The following PIK3R6 variants were observed in gnomAD, a reference collection of about 807,000 sequenced individuals.
PIK3R6 encodes phosphoinositide-3-kinase regulatory subunit 6, also known as phosphoinositide 3-kinase regulatory subunit 6.
PIK3R6 carries 91 observed loss-of-function variants against 84.9 expected under a neutral mutation model. That is an observed-to-expected ratio of 1.07 (90% confidence interval 0.90 to 1.28). The LOEUF (loss-of-function observed/expected upper bound fraction) is 1.28, where lower values mean the gene tolerates loss of function less well. Ranked by LOEUF, PIK3R6 falls within the 50% of genes most tolerant of loss-of-function variation. The pLI is 0.00. For synonymous variants in PIK3R6, 416 were observed against 411.4 expected, an observed-to-expected ratio of 1.01 and a Z score of -0.13; for missense variants, 996 against 985.1, an observed-to-expected ratio of 1.01 and a Z score of -0.15.
chr17:8,805,192 C>G (rs757381317), intron 18 of PIK3R6, among the ~76,000 whole-genome samples: 1 of 152,184 alleles, frequency 6.6e-6, no homozygotes, highest in Admixed American at 6.5e-5. Context: ...GCTCTAATCC[C>G]GGTTCTGCCA....
At chr17:8,848,829 AGGAT>A (rs1280251728) in intron 2 of PIK3R6, among the ~76,000 whole-genome samples, 1 of 152,146 alleles carries the variant, frequency 6.6e-6, no homozygotes, top group Non-Finnish European at 1.5e-5. Context: ...AGGCTCTCTG[AGGAT>A]GGATGGATGG....
At position 8,861,876 on chromosome 17, in the gene PIK3R6, GAAAGA is replaced by G. The variant is rs962734256; in HGVS notation, c.-92+5648_-92+5652del. Among the ~76,000 whole-genome samples, 13 of 152,272 alleles carry G rather than the reference GAAAGA, an allele frequency of 8.5e-5. 1 individual carries two copies. Among genetic ancestry groups the G allele is most frequent in the Admixed American group, 7.2e-4 (11 of 15,302 alleles). The stretch of plus-strand genomic sequence containing the variant: ...AGGCGAAAGTTCTCATCTTAACAAG[GAAAGA>G]AAAAAGTCGTATGTTGAAGTAGCTA... On this transcript the variant is annotated intron_variant, in intron 1 of 19. Coordinates refer to ENST00000619866, the MANE Select transcript of PIK3R6 (RefSeq NM_001010855.4).
At chr17:8,860,511 T>C (rs1193596798) in intron 1 of PIK3R6, among the ~76,000 whole-genome samples, 1 of 83,922 alleles carries the variant, frequency 1.2e-5, no homozygotes, top group Non-Finnish European at 2.2e-5. Context: ...CGTGGAAAAA[T>C]TGCCTTCCAT....
intron 1 of PIK3R6, among the ~76,000 whole-genome samples, chr17:8,850,796 T>A (rs1280357485): frequency 6.6e-6 from 1 of 152,244 alleles, no homozygotes; most frequent in Non-Finnish European, 1.5e-5. Context: ...ATGTCATATA[T>A]ATATTTCTTT....
At position 8,840,317 on chromosome 17, in the gene PIK3R6, A is replaced by ACAGCC. The variant is rs1567601704; in HGVS notation, c.14-621_14-620insGGCTG. Among the ~76,000 whole-genome samples, 201 of 138,400 alleles carry ACAGCC rather than the reference A, an allele frequency of 1.5e-3. 4 individuals are homozygous for ACAGCC. The highest frequency in any genetic ancestry group is 2.2e-3 in the Non-Finnish European group (138 of 63,340). The allele number at this position is 138,400 out of a possible 152,430, so 90.8% of individuals were successfully genotyped here. The stretch of plus-strand genomic sequence containing the variant: ...CTACAAATATGTATATGAAATATAT[A>ACAGCC]TAGCCTCCAAATATGTATATGAAAT... On this transcript the variant is annotated intron_variant, in intron 2 of 19. Transcript: ENST00000619866.
intron 1 of PIK3R6, among the ~76,000 whole-genome samples, chr17:8,857,459 C>A: frequency 7.2e-6 from 1 of 139,798 alleles, no homozygotes; most frequent in African/African-American, 2.5e-5. Context: ...CCTCACAGAA[C>A]CCCCCTCTGT....
chr17:8,839,731 C>G lies in PIK3R6; in HGVS notation c.14-34G>C, dbSNP rs769708473. The G allele has an allele frequency of 2.8e-5, 42 of 1,509,472 alleles. No individual in the cohort carries two copies. The highest frequency in any genetic ancestry group is 3.8e-5 in the Non-Finnish European group (42 of 1,110,916). The allele number at this position is 1,509,472 out of a possible 1,614,324, so 93.5% of individuals were successfully genotyped here. On this transcript the variant is annotated intron_variant, in intron 2 of 19. Transcript: ENST00000619866. This position sits in a 1 kb window ranked among gnomAD's most constrained non-coding sequence, Gnocchi z 4.2. ...TGGTAGGGGTGGGAGGAAACTCAGT[C>G]CACTGAACCTCACCCTCGTCCCACC...
chr17:8,803,571 AAG>A lies in PIK3R6; in HGVS notation c.2109-144_2109-143del. The A allele has an allele frequency of 1.2e-6, 1 of 838,576 alleles. No individual in the cohort carries two copies. The allele number at this position is 838,576 out of a possible 1,614,324, so 51.9% of individuals were successfully genotyped here. ...GAGGCGGCTACACAGAAGAAAGAGG[AAG>A]AGTCAGGACAAGAAAGAAAAACCTG... On this transcript the variant is annotated intron_variant, in intron 19 of 19. Coordinates refer to ENST00000619866, the MANE Select transcript of PIK3R6 (RefSeq NM_001010855.4). The surrounding 1 kb of genome is among the most constrained non-coding windows in gnomAD (Gnocchi z 5.0).
Position 8,836,783 on chromosome 17 carries a change from ACT to A in PIK3R6, c.391+6_391+7del. ...GCGTGGGAGACAAAGATGCCCAGTG[ACT>A]CTTACCTGGGACAGCCATCTCCGTT... is the stretch of plus-strand genomic sequence containing the variant. On this transcript the variant is annotated splice_donor_region_variant and intron_variant, in intron 6 of 19. Transcript: ENST00000619866. The A allele has an allele frequency of 6.2e-7, 1 of 1,610,406 alleles. No individual in the cohort carries two copies. Among genetic ancestry groups the A allele is most frequent in the Non-Finnish European group, 8.5e-7 (1 of 1,178,354 alleles).
At chr17:8,855,630 C>T (rs1055454411) in intron 1 of PIK3R6, among the ~76,000 whole-genome samples, 5 of 152,180 alleles carry the variant, frequency 3.3e-5, no homozygotes, top group African/African-American at 9.7e-5. Context: ...TTCTGGGATA[C>T]ATGTGCAGAA....
chr17:8,858,224 G>A (rs1019646704), intron 1 of PIK3R6, among the ~76,000 whole-genome samples: 1 of 149,850 alleles, frequency 6.7e-6, no homozygotes, highest in Non-Finnish European at 1.5e-5. Flanking sequence ...ATGTGTCTTC[G>A]TTTCAGGAAT....
At chr17:8,819,645 T>C (rs911889073) in intron 17 of PIK3R6, among the ~76,000 whole-genome samples, 5 of 148,506 alleles carry the variant, frequency 3.4e-5, no homozygotes, top group African/African-American at 1.0e-4. Context: ...TCTTTTACTT[T>C]CTTTTTTTAT....
chr17:8,832,468 C>T (rs540285837), intron 9 of PIK3R6, among the ~76,000 whole-genome samples: 7 of 144,558 alleles, frequency 4.8e-5, no homozygotes, highest in African/African-American at 1.0e-4. Flanking sequence ...CTGCAACCTC[C>T]GCCTCCCTGG....
In PIK3R6 at chr17:8,829,707, G is replaced by A. The variant is rs762946457; in HGVS notation, c.888C>T (p.Leu296=). 149 of 1,552,368 alleles carry A rather than the reference G, an allele frequency of 9.6e-5. No homozygotes were observed. The highest frequency in any genetic ancestry group is 1.3e-4 in the Non-Finnish European group (144 of 1,147,602). Residue 296 remains leucine (L), a splice_region_variant and synonymous_variant, in exon 10 of 20, where the codon CTC becomes CTT. Transcript: ENST00000619866. ...TFHLWTGEEQ[L]WKELVLFLRP... ...CCAGACAGCTCCATGGGCACGTACA[G>A]AGCTGCTCCTCACCGGTCCACAAGT...
chr17:8,854,410 G>A (rs2089070783), intron 1 of PIK3R6, among the ~76,000 whole-genome samples: 3 of 152,182 alleles, frequency 2.0e-5, no homozygotes, highest in African/African-American at 4.8e-5. Flanking sequence ...GTCTCCCAAA[G>A]TGCTGGGATT....
intron 12 of PIK3R6, among the ~76,000 whole-genome samples, chr17:8,827,763 G>GGAGAGAAAGA (rs2087986048): frequency 2.9e-5 from 1 of 34,828 alleles, no homozygotes; most frequent in Non-Finnish European, 5.8e-5. Flanking sequence ...GAGAGAGAGA[G>GGAGAGAAAGA]GAGAGAGAGA....
At chr17:8,809,140 G>A (rs143261897) in intron 18 of PIK3R6, among the ~76,000 whole-genome samples, 4 of 152,124 alleles carry the variant, frequency 2.6e-5, no homozygotes, top group African/African-American at 9.6e-5. Flanking sequence ...AAGAGACTGG[G>A]GTTCTATTTT....
At chr17:8,860,923 G>A (rs1195511728) in intron 1 of PIK3R6, among the ~76,000 whole-genome samples, 4 of 72 alleles carry the variant, frequency 0.056, no homozygotes, top group East Asian at 0.25. Context: ...GACACGGGCC[G>A]GGCACGGTCA....
At position 8,832,891 on chromosome 17, in the gene PIK3R6, C is replaced by G; in HGVS notation, c.800G>C (p.Gly267Ala). 1.2e-6 allele frequency: 2 copies of G among 1,612,638 alleles called. No individual in the cohort carries two copies. Among genetic ancestry groups the G allele is most frequent in the Non-Finnish European group, 1.7e-6 (2 of 1,179,708 alleles). Residue 267 changes from glycine (G) to alanine (A), a missense_variant and splice_region_variant, in exon 9 of 20, where the codon GGT (glycine) becomes GCT (alanine). Transcript: ENST00000619866. The stretch of plus-strand genomic sequence containing the variant: ...CCCCCCATCTGCCAGTCGCTTACCA[C>G]CGCAGCGCCCCGCCGCGGGACCCAG... ...SLLGPAAGRCGGDLVQERPPS... is the reference protein window; with the variant it reads ...SLLGPAAGRCAGDLVQERPPS...
Sources: gnomAD v4.1 joint callset for allele counts (sites outside exome capture counted in the v4.1 genomes callset) on GRCh38, gnomAD v4.1.1 for gene constraint, Gnocchi (gnomAD v3.1) non-coding constraint, MANE v1.5 for transcripts, NCBI Gene and HGNC (gene_info 2026-07-23, HGNC 2026-07-21) for gene names.